Variants in LCOR observed in about 807,000 individuals in gnomAD.
LCOR encodes ligand dependent nuclear receptor corepressor.
LCOR carries 14 observed loss-of-function variants against 64.4 expected under a neutral mutation model. The observed-to-expected ratio is 0.22, with a 90% CI of 0.14 to 0.34. The LOEUF (loss-of-function observed/expected upper bound fraction) is 0.34. Ranked by LOEUF, LCOR falls within the 10% of genes least tolerant of loss-of-function variation. The pLI is 1.00. For missense variants in LCOR, 1,686 were observed against 1,765.3 expected, an observed-to-expected ratio of 0.96 and a Z score of 0.80; for synonymous variants, 643 against 642.5, an observed-to-expected ratio of 1.00 and a Z score of -0.01.
At chr10:96,890,374 C>G (rs950267851) in intron 2 of LCOR, among the ~76,000 whole-genome samples, 1 of 152,062 alleles carries the variant, frequency 6.6e-6, no homozygotes, top group Non-Finnish European at 1.5e-5. Flanking sequence ...TGTGAGTCAC[C>G]CCTGCCCAGC....
intron 2 of LCOR, among the ~76,000 whole-genome samples, chr10:96,905,579 A>G (rs1331439717): frequency 2.0e-5 from 3 of 152,078 alleles, no homozygotes; most frequent in African/African-American, 7.2e-5. Flanking sequence ...CTCTTCTCTT[A>G]TCACTACCTC....
chr10:96,843,495 C>G (rs1455864702), intron 2 of LCOR, among the ~76,000 whole-genome samples: 1 of 152,146 alleles, frequency 6.6e-6, no homozygotes, highest in Non-Finnish European at 1.5e-5. Flanking sequence ...TGGATATTAT[C>G]CTGTTCTCTT....
intron 2 of LCOR, among the ~76,000 whole-genome samples, chr10:96,857,848 T>C (rs1338083853): frequency 1.3e-5 from 2 of 152,192 alleles, no homozygotes; most frequent in African/African-American, 4.8e-5. Flanking sequence ...CTCCAAGATA[T>C]CTGATCCCAG....
At chr10:96,924,488 C>T (rs997570436) in intron 4 of LCOR, among the ~76,000 whole-genome samples, 2 of 151,782 alleles carry the variant, frequency 1.3e-5, no homozygotes, top group African/African-American at 2.4e-5. Flanking sequence ...GTGATCCACC[C>T]GCCTCAGCCT....
rs1052000043 is a variant in LCOR, at chr10:96,955,099, G to A, written c.332+2903G>A. ...CCACTGGCTCGATCCCTGCAGATTAGTGAAGAACTACTGAGCAGAAACCAA... is the reference window on the plus strand; with the variant it reads ...CCACTGGCTCGATCCCTGCAGATTAATGAAGAACTACTGAGCAGAAACCAA... On this transcript the variant is annotated intron_variant, in intron 7 of 7. Coordinates refer to ENST00000421806, the MANE Select transcript of LCOR (RefSeq NM_001346516.2). The A allele has an allele frequency of 3.7e-6, 6 of 1,614,062 alleles. No individual in the cohort carries two copies. In the African/African-American group the frequency reaches 6.7e-5, roughly 18 times the overall value.
chr10:96,857,156 A>G (rs1426247718), intron 2 of LCOR, among the ~76,000 whole-genome samples: 6 of 152,160 alleles, frequency 3.9e-5, no homozygotes, highest in African/African-American at 1.2e-4. Context: ...AGTTATTTCT[A>G]TCTCACAAGA....
At chr10:96,867,626 G>T (rs1316354571) in intron 2 of LCOR, among the ~76,000 whole-genome samples, 2 of 152,010 alleles carry the variant, frequency 1.3e-5, no homozygotes, top group Non-Finnish European at 2.9e-5. Context: ...GAATGTGGTG[G>T]CTCACATCTG....
rs1233273665 is a variant in LCOR at position 96,981,582 on chromosome 10, A to G, written c.1122A>G (p.Lys374=). 1.2e-6 allele frequency: 2 copies of G among 1,614,110 alleles called. No homozygotes were observed. Among genetic ancestry groups the G allele is most frequent in the African/African-American group, 2.7e-5 (2 of 74,942 alleles). The change falls in exon 8 of 8, where the codon AAA becomes AAG. Residue 374 remains lysine, a synonymous_variant. Coordinates refer to ENST00000421806, the MANE Select transcript of LCOR (RefSeq NM_001346516.2). ...AAGAGAATACTTTACAGTGTCCAAA[A>G]ACACCTTTGCGCCAGGATTTAGAGG... is the stretch of plus-strand genomic sequence containing the variant. ...ADKENTLQCP[K]TPLRQDLEAN...
chr10:96,927,793 C>G (rs1325348520), intron 4 of LCOR, among the ~76,000 whole-genome samples: 1 of 152,136 alleles, frequency 6.6e-6, no homozygotes, highest in Admixed American at 6.6e-5. Flanking sequence ...TTTCTGGACC[C>G]TACAGACATA....
At position 96,889,429 on chromosome 10, in the gene LCOR, G is replaced by A. The variant is rs1846401972; in HGVS notation, c.-329-17836G>A. 2.6e-5 allele frequency among the ~76,000 whole-genome samples: 4 copies of A among 152,336 alleles called. No homozygotes were observed. The South Asian group carries it at 8.3e-4, about 32-fold the overall frequency. On this transcript the variant is annotated intron_variant, in intron 2 of 7. Coordinates refer to ENST00000421806, the MANE Select transcript of LCOR (RefSeq NM_001346516.2). ...GAAGTACAGATCAAGGTCCGGCAGT[G>A]TTGGTTTCTGCTGAGGCCTCTCCTC...
At chr10:96,853,773 TAAAGA>T (rs1845757954) in intron 2 of LCOR, among the ~76,000 whole-genome samples, 1 of 152,208 alleles carries the variant, frequency 6.6e-6, no homozygotes, top group Non-Finnish European at 1.5e-5. Context: ...GGGTAATTTA[TAAAGA>T]AAAGAGGTTT....
chr10:96,984,347 A>G lies in LCOR; in HGVS notation c.3887A>G (p.His1296Arg). The G allele has an allele frequency of 6.2e-7, 1 of 1,614,126 alleles. No individual in the cohort carries two copies. Among genetic ancestry groups the G allele is most frequent in the Non-Finnish European group, 8.5e-7 (1 of 1,180,040 alleles). Residue 1296 changes from histidine (H) to arginine (R), a missense_variant, in exon 8 of 8, where the codon CAT (histidine) becomes CGT (arginine). His to Arg is a conservative substitution (Grantham distance 29). Around this residue, in one of 3 missense-constraint regions of LCOR, gnomAD observed 1,293 missense variants for 1,410.4 expected, o/e 0.92. Coordinates refer to ENST00000421806, the MANE Select transcript of LCOR (RefSeq NM_001346516.2). Reference protein sequence around the residue: ...IEEVKEDRNSHPPANLPTPAS... With the variant: ...IEEVKEDRNSRPPANLPTPAS... ...GAAGTCAAGGAAGATAGAAACAGTC[A>G]TCCTCCAGCAAACCTGCCCACTCCA...
intron 2 of LCOR, among the ~76,000 whole-genome samples, chr10:96,835,622 A>G (rs1252575515): frequency 3.3e-5 from 5 of 152,158 alleles, no homozygotes; most frequent in African/African-American, 1.2e-4. Context: ...TTTTAGTGGG[A>G]TTGGTTCTAA....
chr10:96,862,347 C>T (rs1256824067), intron 2 of LCOR, among the ~76,000 whole-genome samples: 1 of 152,130 alleles, frequency 6.6e-6, no homozygotes, highest in Non-Finnish European at 1.5e-5. Context: ...AACCTTGGCT[C>T]ACTGCAGCCT....
intron 2 of LCOR, among the ~76,000 whole-genome samples, chr10:96,895,645 T>C (rs1175448459): frequency 6.6e-6 from 1 of 152,222 alleles, no homozygotes; most frequent in African/African-American, 2.4e-5. Flanking sequence ...TACCTTATCT[T>C]GTACTTCCCA....
intron 7 of LCOR, chr10:96,955,948 T>TACAA: frequency 6.3e-7 from 1 of 1,593,458 alleles, no homozygotes; most frequent in East Asian, 2.2e-5. Context: ...CCAATTACTG[T>TACAA]ACAAACTGGG....
chr10:96,991,022 T>TAAAAAAAAAAAAAAA lies in LCOR; in HGVS notation c.*5897_*5911dup, dbSNP rs769810945. 5.2e-5 allele frequency: 4 copies of TAAAAAAAAAAAAAAA among 77,262 alleles called. No individual in the cohort carries two copies. Among genetic ancestry groups the TAAAAAAAAAAAAAAA allele is most frequent in the Non-Finnish European group, 8.1e-5 (3 of 37,126 alleles). The allele number at this position is 77,262 out of a possible 1,614,324, so 4.8% of individuals were successfully genotyped here. A position where few individuals can be genotyped will look rare whatever the true frequency, so the allele number is the denominator to read the frequency against. The stretch of plus-strand genomic sequence containing the variant: ...TTTTACCCTTTTTTAAAGGGTTATG[T>TAAAAAAAAAAAAAAA]AAAAAAAAAAAAAAAAAAAAAAAGC... On this transcript the variant is annotated 3_prime_UTR_variant, in exon 8 of 8. Coordinates refer to ENST00000421806, the MANE Select transcript of LCOR (RefSeq NM_001346516.2).
intron 4 of LCOR, among the ~76,000 whole-genome samples, chr10:96,917,797 G>A (rs988527107): frequency 2.0e-5 from 3 of 152,138 alleles, no homozygotes; most frequent in Admixed American, 1.3e-4. Flanking sequence ...TAGTGATTAC[G>A]TAAATATATA....
chr10:96,851,727 T>G (rs1410683966), intron 2 of LCOR, among the ~76,000 whole-genome samples: 1 of 152,196 alleles, frequency 6.6e-6, no homozygotes, highest in African/African-American at 2.4e-5. Flanking sequence ...TTCTGATGTT[T>G]CTTTTCACCC....
Sources: allele counts gnomAD v4.1 joint callset (sites outside exome capture counted in the v4.1 genomes callset), GRCh38; gene constraint gnomAD v4.1.1; regional missense constraint gnomAD v4.1.1; transcripts MANE v1.5; gene names NCBI Gene and HGNC (gene_info 2026-07-23, HGNC 2026-07-21).